Variants in ACSS1 observed in about 807,000 individuals in gnomAD.
The protein encoded by ACSS1 is acetyl-coenzyme A synthetase 2-like, mitochondrial.
Under a neutral mutation model 75.3 loss-of-function variants are expected in ACSS1, and 42 were observed. That is an observed-to-expected ratio of 0.56 (90% CI 0.44 to 0.72). The LOEUF (loss-of-function observed/expected upper bound fraction) is 0.72, where lower values mean the gene tolerates loss of function less well. ACSS1 is among the 30% of genes least tolerant of loss of function. The pLI, the probability that ACSS1 is intolerant of heterozygous loss-of-function variation, is 0.00. For synonymous variants in ACSS1, 380 were observed against 376.8 expected (o/e 1.01, Z -0.10); for missense variants, 782 against 935.7 (o/e 0.84, Z 2.14).
rs759311286 is a variant in ACSS1 at position 25,013,973 on chromosome 20, G to T, written c.1440C>A (p.Leu480=). The change falls in exon 9 of 14, where the codon CTC becomes CTA. Residue 480 remains leucine (L), a synonymous_variant. Transcript: ENST00000323482. ...GGCCCATACACACCTTCTCATCCAT[G>T]AGGACGGGGACGATGCCAAAGAAGG... ...MRPFFGIVPV[L]MDEKGSVVEG... is the part of the protein sequence containing the mutation. The T allele has an allele frequency of 6.2e-7, 1 of 1,613,698 alleles. No homozygotes were observed. The highest frequency in any genetic ancestry group is 8.5e-7 in the Non-Finnish European group (1 of 1,179,842).
chr20:25,051,762 C>G (rs570481396), intron 1 of ACSS1, among the ~76,000 whole-genome samples: 2 of 152,224 alleles, frequency 1.3e-5, no homozygotes, highest in African/African-American at 4.8e-5. Context: ...GGAGTCACCA[C>G]TAAAAACTCA....
At chr20:25,013,817 A>C (rs939727369) in intron 9 of ACSS1, 144 bp downstream of exon 9, 1 of 1,324,864 alleles carries the variant, frequency 7.5e-7, no homozygotes, top group East Asian at 2.5e-5. Context: ...TACCCAGTGC[A>C]TGATACCAGC....
rs996469632 is a variant in ACSS1, at chr20:25,047,005, C to T, written c.431+1080G>A. The T allele has an allele frequency of 1.7e-5, 13 of 748,596 alleles. 1 individual carries two copies. Among genetic ancestry groups the T allele is most frequent in the South Asian group, 5.7e-5 (4 of 70,518 alleles). 46.4% of individuals were successfully genotyped at this position (748,596 alleles called of 1,614,324 possible). On this transcript the variant is annotated intron_variant, in intron 2 of 13. Transcript: ENST00000323482. ...GGCTCCTGGGGGCCGAGGGGAGGAA[C>T]GAGCAGGACAGGGCCCACTGGGAGC... is the stretch of plus-strand genomic sequence containing the variant.
chr20:25,008,607 C>T (rs1040244942), intron 13 of ACSS1, among the ~76,000 whole-genome samples: 3 of 152,070 alleles, frequency 2.0e-5, no homozygotes, highest in South Asian at 2.1e-4. Flanking sequence ...AGTCACAGCG[C>T]GCAATGTTCA....
chr20:25,030,063 G>A (rs374823279), intron 3 of ACSS1, among the ~76,000 whole-genome samples: 4 of 152,248 alleles, frequency 2.6e-5, no homozygotes, highest in African/African-American at 9.6e-5. Flanking sequence ...TACAGAGGGA[G>A]GTCAACAGGA....
chr20:25,031,568 C>A (rs778892666), intron 2 of ACSS1, among the ~76,000 whole-genome samples: 15 of 152,160 alleles, frequency 9.9e-5, no homozygotes, highest in Admixed American at 6.5e-5. Flanking sequence ...ATAGATAAGA[C>A]CCCTATATAA....
intron 2 of ACSS1, among the ~76,000 whole-genome samples, chr20:25,039,844 G>A (rs1439152372): frequency 2.6e-5 from 4 of 152,202 alleles, no homozygotes; most frequent in Admixed American, 6.5e-5. Flanking sequence ...TCTTGTCTCT[G>A]GAAAGGAAGT....
At chr20:25,051,619 G>A (rs542012215) in intron 1 of ACSS1, among the ~76,000 whole-genome samples, 3 of 152,316 alleles carry the variant, frequency 2.0e-5, no homozygotes, top group South Asian at 2.1e-4. Flanking sequence ...CGACTCTGAC[G>A]ATGTGTGCAC....
chr20:25,044,903 G>A (rs1478281971), intron 2 of ACSS1, among the ~76,000 whole-genome samples: 1 of 152,216 alleles, frequency 6.6e-6, no homozygotes, highest in Admixed American at 6.5e-5. Flanking sequence ...CACGTCCCAG[G>A]CTGAGCCCTT....
intron 2 of ACSS1, among the ~76,000 whole-genome samples, chr20:25,040,891 A>G (rs2088990275): frequency 6.6e-6 from 1 of 152,200 alleles, no homozygotes; most frequent in Non-Finnish European, 1.5e-5. Context: ...TAAAACAATA[A>G]TTGTTAATAA....
intron 2 of ACSS1, among the ~76,000 whole-genome samples, chr20:25,041,011 C>A (rs1473932841): frequency 1.3e-5 from 2 of 152,226 alleles, no homozygotes; most frequent in Non-Finnish European, 2.9e-5. Context: ...GTAATCCCAG[C>A]ACTTTGGGAG....
intron 3 of ACSS1, 105 bp from the exon 4 acceptor site, chr20:25,023,746 G>C: frequency 8.9e-7 from 1 of 1,129,336 alleles, no homozygotes; most frequent in Admixed American, 2.8e-5. Flanking sequence ...GAGAAACTCA[G>C]TCCAATCTTG....
Position 25,009,259 on chromosome 20 carries a change from G to A in ACSS1, c.1890+11C>T, listed in dbSNP as rs1707335938. The stretch of plus-strand genomic sequence containing the variant: ...GCAGCACAGCCCCATCTTTGTGGGA[G>A]GCCCACTCACCAGGATCTCATCAGG... On this transcript the variant is annotated intron_variant, in intron 13 of 13. Coordinates refer to ENST00000323482, the MANE Select transcript of ACSS1 (RefSeq NM_032501.4). 1 of 1,591,816 alleles carries A rather than the reference G, an allele frequency of 6.3e-7. No individual in the cohort carries two copies. The highest frequency in any genetic ancestry group is 1.7e-5 in the Admixed American group (1 of 59,994).
At chr20:25,055,477 C>T (rs1285383091) in intron 1 of ACSS1, among the ~76,000 whole-genome samples, 1 of 152,204 alleles carries the variant, frequency 6.6e-6, no homozygotes, top group Non-Finnish European at 1.5e-5. Context: ...GGCCAGGACA[C>T]TAATCCCAAT....
At chr20:25,036,072 G>C (rs1568843081) in intron 2 of ACSS1, among the ~76,000 whole-genome samples, 1 of 152,204 alleles carries the variant, frequency 6.6e-6, no homozygotes, top group Non-Finnish European at 1.5e-5. Context: ...GGGACATGCA[G>C]CTTTCTGAGT....
intron 2 of ACSS1, among the ~76,000 whole-genome samples, chr20:25,034,443 C>T (rs576478604): frequency 1.8e-4 from 27 of 152,262 alleles, no homozygotes; most frequent in Admixed American, 3.3e-4. Flanking sequence ...GTTCTCTGGT[C>T]GAGCCCTCCA....
chr20:25,050,395 C>T (rs929956243), intron 1 of ACSS1, among the ~76,000 whole-genome samples: 2 of 152,040 alleles, frequency 1.3e-5, no homozygotes, highest in African/African-American at 4.8e-5. Context: ...CACCATCCCC[C>T]CCGGGAGCTG....
intron 1 of ACSS1, among the ~76,000 whole-genome samples, chr20:25,051,658 T>C (rs1445379054): frequency 1.3e-5 from 2 of 152,344 alleles, no homozygotes; most frequent in Non-Finnish European, 1.5e-5. Context: ...CCCCTTTCTA[T>C]GCAGATGCAA....
intron 12 of ACSS1, chr20:25,012,352 T>C (rs2088424463): frequency 1.8e-6 from 1 of 554,782 alleles, no homozygotes; most frequent in Non-Finnish European, 3.2e-6. Flanking sequence ...CAAGCCCAAC[T>C]GGGTCATGGC....
Sources: gnomAD v4.1 joint callset for allele counts (sites outside exome capture counted in the v4.1 genomes callset) on GRCh38, gnomAD v4.1.1 for gene constraint, MANE v1.5 for transcripts, NCBI Gene and HGNC (gene_info 2026-07-23, HGNC 2026-07-21) for gene names.